The following LINGO1 variants were observed in gnomAD, a reference collection of about 807,000 sequenced individuals.
LINGO1 encodes the protein leucine-rich repeat and immunoglobulin-like domain-containing nogo receptor-interacting protein 1.
A neutral mutation model predicts 37.3 loss-of-function variants in LINGO1; 11 were observed. The ratio of observed to expected loss-of-function variants is 0.29; its 90% confidence interval spans 0.19 to 0.49. LINGO1 has a LOEUF of 0.49. Among genes scored for constraint, LINGO1 ranks in the 20% least tolerant of loss-of-function variants. The probability of loss-of-function intolerance (pLI) is 0.99; values close to 1 mark genes in which losing one functional copy is unlikely to be tolerated. For synonymous variants in LINGO1, 387 were observed against 403.0 expected, an observed-to-expected ratio of 0.96 and a Z score of 0.48; for missense variants, 585 against 878.2, an observed-to-expected ratio of 0.67 and a Z score of 4.22.
At chr15:77,814,205 C>T (rs1003123191) in intron 1 of LINGO1, among the ~76,000 whole-genome samples, 1 of 152,130 alleles carries the variant, frequency 6.6e-6, no homozygotes, top group African/African-American at 2.4e-5. Flanking sequence ...AGCCACTCCT[C>T]CCCCAGTCTC....
At chr15:77,660,901 C>T (rs2074978307) in intron 3 of LINGO1, among the ~76,000 whole-genome samples, 2 of 152,186 alleles carry the variant, frequency 1.3e-5, no homozygotes, top group South Asian at 2.1e-4. Context: ...GCGGCTGTGC[C>T]TGAGCCTGGC....
At position 77,620,593 on chromosome 15, in the gene LINGO1, G is replaced by C. The variant is rs573985845; in HGVS notation, c.7-4693C>G. ...TGCCCTCTCTGGCCTGCACAGTAAG[G>C]GCTCCACTTCAGTGTCCCTGAGGGT... On this transcript the variant is annotated intron_variant, in intron 1 of 1. Transcript: ENST00000355300. 3.9e-5 allele frequency among the ~76,000 whole-genome samples: 6 copies of C among 152,368 alleles called. No homozygotes were observed. The South Asian group carries it at 1.0e-3, about 26-fold the overall frequency.
intron 1 of LINGO1, among the ~76,000 whole-genome samples, chr15:77,762,303 CAT>C (rs1306014081): frequency 3.9e-5 from 6 of 152,356 alleles, no homozygotes; most frequent in Non-Finnish European, 8.8e-5. Context: ...ACACCAAGCA[CAT>C]GTGTTTGCTA....
chr15:77,647,768 C>G, intron 3 of LINGO1: 1 of 436,842 alleles, frequency 2.3e-6, no homozygotes, highest in East Asian at 7.0e-5. Context: ...TTGCCCTTCC[C>G]TCTCACCCCT....
intron 3 of LINGO1, among the ~76,000 whole-genome samples, chr15:77,668,834 C>CAG (rs1327101453): frequency 9.4e-5 from 14 of 148,264 alleles, no homozygotes; most frequent in Non-Finnish European, 1.5e-4. Flanking sequence ...CACACACACA[C>CAG]ACAGAGCATC....
chr15:77,709,531 C>G (rs1231340251), intron 2 of LINGO1, among the ~76,000 whole-genome samples: 1 of 152,214 alleles, frequency 6.6e-6, no homozygotes, highest in Non-Finnish European at 1.5e-5. Context: ...GGCTCACTGC[C>G]CTGGGTCTTC....
intron 3 of LINGO1, among the ~76,000 whole-genome samples, chr15:77,644,974 C>T (rs2074592760): frequency 6.6e-6 from 1 of 152,136 alleles, no homozygotes; most frequent in South Asian, 2.1e-4. Context: ...ACTCTTAAAT[C>T]AAAACATGGG....
intron 1 of LINGO1, among the ~76,000 whole-genome samples, chr15:77,801,800 T>C (rs1277914052): frequency 6.6e-6 from 1 of 152,074 alleles, no homozygotes; most frequent in Non-Finnish European, 1.5e-5. Flanking sequence ...AACCCATGCC[T>C]ACGCTCCCCC....
At chr15:77,776,711 A>T (rs1025723815) in intron 1 of LINGO1, among the ~76,000 whole-genome samples, 1 of 152,192 alleles carries the variant, frequency 6.6e-6, no homozygotes, top group Non-Finnish European at 1.5e-5. Flanking sequence ...GCTTGAGGCA[A>T]TCTGGGATTT....
chr15:77,629,298 G>GTTCA (rs57875651), intron 1 of LINGO1, among the ~76,000 whole-genome samples: 23,564 of 151,900 alleles, frequency 0.16, 3,688 homozygotes, highest in African/African-American at 0.4. Context: ...TCGCTTGTTC[G>GTTCA]TTCATTCATT....
At chr15:77,756,840 CCT>C (rs1251381844) in intron 1 of LINGO1, among the ~76,000 whole-genome samples, 1 of 152,190 alleles carries the variant, frequency 6.6e-6, no homozygotes, top group East Asian at 1.9e-4. Context: ...GTATATACAC[CCT>C]GATACTCCAC....
chr15:77,664,720 G>A (rs140913538), intron 3 of LINGO1, among the ~76,000 whole-genome samples: 77 of 152,292 alleles, frequency 5.1e-4, no homozygotes, highest in African/African-American at 1.6e-3. Flanking sequence ...TTGTCCCCAG[G>A]AGGCCAAACC....
chr15:77,810,227 TAC>T (rs59680666), intron 1 of LINGO1, among the ~76,000 whole-genome samples: 2,556 of 142,374 alleles, frequency 0.018, 57 homozygotes, highest in African/African-American at 0.056. Flanking sequence ...CACACAAACA[TAC>T]ACACACACAC....
rs1201588605 is a variant in LINGO1, at chr15:77,816,850, G to A, written c.-458+3408C>T. 2.6e-5 allele frequency among the ~76,000 whole-genome samples: 4 copies of A among 152,168 alleles called. No homozygotes were observed. The East Asian group carries it at 7.7e-4, about 29-fold the overall frequency. On this transcript the variant is annotated intron_variant, in intron 1 of 5. Transcript: ENST00000562933. ...GGGTTCAAGCAGGCATGGATGATAG[G>A]GGTGGAACCAAGCTAGGCGTCTTGC...
chr15:77,702,842 C>G (rs1005746498), intron 2 of LINGO1, among the ~76,000 whole-genome samples: 4 of 152,240 alleles, frequency 2.6e-5, no homozygotes, highest in Non-Finnish European at 5.9e-5. Context: ...CTGTGCCATA[C>G]AGCACTGAGA....
At chr15:77,804,540 G>A (rs2076944393) in intron 1 of LINGO1, among the ~76,000 whole-genome samples, 1 of 152,208 alleles carries the variant, frequency 6.6e-6, no homozygotes, top group Admixed American at 6.5e-5. Context: ...ACAACCCTGA[G>A]TCTCATTCTC....
At chr15:77,657,056 G>T (rs888985055) in intron 3 of LINGO1, among the ~76,000 whole-genome samples, 1 of 152,196 alleles carries the variant, frequency 6.6e-6, no homozygotes, top group African/African-American at 2.4e-5. Context: ...CAGCTGTGTG[G>T]ACTCTTGGTT....
chr15:77,780,113 C>T (rs931988679), intron 1 of LINGO1, among the ~76,000 whole-genome samples: 2 of 152,156 alleles, frequency 1.3e-5, no homozygotes, highest in Non-Finnish European at 2.9e-5. Context: ...GAGACAGCTT[C>T]GCAGCTGGCA....
At chr15:77,648,170 C>A in intron 3 of LINGO1, 2 of 329,982 alleles carry the variant, frequency 6.1e-6, no homozygotes, top group South Asian at 2.4e-5. Flanking sequence ...CCAAGATCAC[C>A]CAGATACAAT....
Sources: allele counts gnomAD v4.1 joint callset (sites outside exome capture counted in the v4.1 genomes callset), GRCh38; gene constraint gnomAD v4.1.1; transcripts MANE v1.5; gene names NCBI Gene and HGNC (gene_info 2026-07-23, HGNC 2026-07-21).